The following TNFSF8 variants were observed in gnomAD, a reference collection of about 807,000 sequenced individuals.
The protein encoded by TNFSF8 is TNF superfamily member 8, also known as tumor necrosis factor ligand superfamily member 8.
Under a neutral mutation model 22.0 loss-of-function variants are expected in TNFSF8, and 4 were observed. The ratio of observed to expected loss-of-function variants is 0.18; its 90% CI spans 0.09 to 0.42. The LOEUF (loss-of-function observed/expected upper bound fraction) is 0.42, where lower values mean the gene tolerates loss of function less well. Among genes scored for constraint, TNFSF8 ranks in the 10% least tolerant of loss-of-function variants. The pLI, the probability that TNFSF8 is intolerant of heterozygous loss-of-function variation, is 1.00. For synonymous variants in TNFSF8, 106 were observed against 112.5 expected, an observed-to-expected ratio of 0.94 and a Z score of 0.37; for missense variants, 233 against 281.8, an observed-to-expected ratio of 0.83 and a Z score of 1.24.
chr9:114,898,934 G>T (rs1015801257), downstream of TNFSF8, among the ~76,000 whole-genome samples: 1 of 152,050 alleles, frequency 6.6e-6, no homozygotes, highest in African/African-American at 2.4e-5. Context: ...AACTGCTGCC[G>T]CGAACAGGAA....
In TNFSF8 at chr9:114,894,045, A is replaced by G. The variant is rs1008497476; in HGVS notation, c.*34T>C. 4 of 1,507,354 alleles carry G rather than the reference A, an allele frequency of 2.7e-6. No homozygotes were observed. In the African/African-American group the frequency reaches 5.5e-5, roughly 21 times the overall value. The allele number at this position is 1,507,354 out of a possible 1,614,324, so 93.4% of individuals were successfully genotyped here. On this transcript the variant is annotated 3_prime_UTR_variant, in exon 5 of 5. Coordinates refer to the TNFSF8 transcript ENST00000618336. The stretch of plus-strand genomic sequence containing the variant: ...AGCAGTGACAGTGACCCAGGGTAGA[A>G]GCAGTTCTTGTCTGCAGCAACCAGC...
chr9:114,907,012 C>A (rs1827793461), intron 2 of TNFSF8, among the ~76,000 whole-genome samples: 1 of 152,174 alleles, frequency 6.6e-6, no homozygotes, highest in Admixed American at 6.5e-5. Context: ...CAGCCACACC[C>A]TGGGATATTT....
intron 2 of TNFSF8, among the ~76,000 whole-genome samples, chr9:114,906,209 A>G (rs750017473): frequency 2.6e-5 from 4 of 152,178 alleles, no homozygotes; most frequent in African/African-American, 9.7e-5. Flanking sequence ...TACGTATTTC[A>G]TCTCCTTAAT....
intron 3 of TNFSF8, 86 bp from the exon 4 acceptor site, chr9:114,904,411 C>T: frequency 6.7e-7 from 1 of 1,499,348 alleles, no homozygotes; most frequent in Non-Finnish European, 8.9e-7. Context: ...CAAAGTTTCC[C>T]ATTCAAGACC....
Position 114,901,747 on chromosome 9 carries a change from G to T in TNFSF8, c.*2184C>A, listed in dbSNP as rs1827719178. The T allele has an allele frequency of 1.0e-6, 1 of 985,274 alleles. No individual in the cohort carries two copies. The highest frequency in any genetic ancestry group is 1.2e-6 in the Non-Finnish European group (1 of 829,876). 61.0% of individuals were successfully genotyped at this position (985,274 alleles called of 1,614,324 possible). On this transcript the variant is annotated 3_prime_UTR_variant, in exon 4 of 4. Transcript: ENST00000223795. The stretch of plus-strand genomic sequence containing the variant: ...TCTTCCAATGCCTGCTTCTCCCAAA[G>T]AATCTACTCACAGAAAGAGTTAAAG...
chr9:114,916,944 A>C (rs919108548), intron 2 of TNFSF8, among the ~76,000 whole-genome samples: 11 of 152,250 alleles, frequency 7.2e-5, no homozygotes. Context: ...CTGAGGTCAC[A>C]TGCTAAGTAA....
At chr9:114,904,515 C>T (rs1001594894) in intron 3 of TNFSF8, among the ~76,000 whole-genome samples, 190 bp from the exon 4 acceptor site, 5 of 152,132 alleles carry the variant, frequency 3.3e-5, no homozygotes, top group African/African-American at 9.7e-5. Context: ...TAAAACCACC[C>T]CTCTTCCTTT....
At position 114,901,191 on chromosome 9, in the gene TNFSF8, T is replaced by C. The variant is rs189598901; in HGVS notation, c.*2740A>G. 4.5e-5 allele frequency: 44 copies of C among 985,434 alleles called. No homozygotes were observed. Among genetic ancestry groups the C allele is most frequent in the Admixed American group, 6.1e-5 (1 of 16,282 alleles). 61.0% of individuals were successfully genotyped at this position (985,434 alleles called of 1,614,324 possible). ...TATTTTACTTGCATAGATATCATTT[T>C]ACTCATGGAGTATCATTTGCTCATA... On this transcript the variant is annotated 3_prime_UTR_variant, in exon 4 of 4. Coordinates refer to ENST00000223795, the MANE Select transcript of TNFSF8 (RefSeq NM_001244.4).
intron 1 of TNFSF8, among the ~76,000 whole-genome samples, chr9:114,923,724 G>A (rs1179369530): frequency 6.6e-6 from 1 of 151,910 alleles, no homozygotes; most frequent in Non-Finnish European, 1.5e-5. Flanking sequence ...CGCCATGTTG[G>A]CCAGCCTGGT....
chr9:114,922,359 A>T (rs1391798181), intron 1 of TNFSF8, among the ~76,000 whole-genome samples: 1 of 152,202 alleles, frequency 6.6e-6, no homozygotes, highest in Non-Finnish European at 1.5e-5. Flanking sequence ...TAGTCTTGTA[A>T]GGTGGGCTCT....
intron 1 of TNFSF8, among the ~76,000 whole-genome samples, chr9:114,929,003 A>G: frequency 6.6e-6 from 1 of 152,230 alleles, no homozygotes; most frequent in East Asian, 1.9e-4. Context: ...ATGAAGTAAG[A>G]AACAGAAATA....
chr9:114,912,890 G>C (rs1474302357), intron 2 of TNFSF8, among the ~76,000 whole-genome samples: 1 of 152,218 alleles, frequency 6.6e-6, no homozygotes, highest in Non-Finnish European at 1.5e-5. Context: ...CAAGTGGAGG[G>C]GCAAGGAGGG....
chr9:114,898,226 A>T (rs1199969442), downstream of TNFSF8, among the ~76,000 whole-genome samples: 1 of 151,206 alleles, frequency 6.6e-6, no homozygotes, highest in Non-Finnish European at 1.5e-5. Flanking sequence ...CTGGTCTCGA[A>T]CTCCTGATCT....
downstream of TNFSF8, among the ~76,000 whole-genome samples, chr9:114,898,251 C>T (rs1331551740): frequency 6.6e-6 from 1 of 152,186 alleles, no homozygotes; most frequent in Admixed American, 6.5e-5. Flanking sequence ...ATCCGCCCGC[C>T]TCGACCTCCC....
At chr9:114,917,985 T>A in intron 2 of TNFSF8, 111 bp downstream of exon 2, 2 of 1,093,508 alleles carry the variant, frequency 1.8e-6, no homozygotes, top group Non-Finnish European at 2.6e-6. Context: ...CTACCCACTT[T>A]ACTGTTGGGT....
At position 114,930,388 on chromosome 9, in the gene TNFSF8, TCC is replaced by T. The variant is rs1309246257; in HGVS notation, c.-87_-86del. ...CCCATCTCTGTTCCAAGAAGGATTC[TCC>T]CCCTGAATCCTGAATCATGTGACTT... On this transcript the variant is annotated 5_prime_UTR_variant, in exon 1 of 4. An upstream open reading frame in the 5' UTR loses its in-frame stop. Coordinates refer to ENST00000223795, the MANE Select transcript of TNFSF8 (RefSeq NM_001244.4). The T allele has an allele frequency of 9.1e-7, 1 of 1,098,942 alleles. No homozygotes were observed. Among genetic ancestry groups the T allele is most frequent in the Non-Finnish European group, 1.2e-6 (1 of 824,054 alleles). The allele number at this position is 1,098,942 out of a possible 1,614,324, so 68.1% of individuals were successfully genotyped here. A position where few individuals can be genotyped will look rare whatever the true frequency, so the allele number is the denominator to read the frequency against.
chr9:114,899,636 A>C (rs1827695370), downstream of TNFSF8, among the ~76,000 whole-genome samples: 1 of 152,204 alleles, frequency 6.6e-6, no homozygotes, highest in Non-Finnish European at 1.5e-5. Context: ...GCATGTTTCA[A>C]ACCTATGCTA....
At chr9:114,899,559 T>C (rs1827694892), downstream of TNFSF8, among the ~76,000 whole-genome samples, 1 of 152,150 alleles carries the variant, frequency 6.6e-6, no homozygotes, top group African/African-American at 2.4e-5. Context: ...TCCTTCATGC[T>C]TTCTGGTGTT....
downstream of TNFSF8, among the ~76,000 whole-genome samples, chr9:114,899,781 T>C (rs762431055): frequency 2.9e-4 from 44 of 152,204 alleles, no homozygotes; most frequent in Non-Finnish European, 6.2e-4. Context: ...ACTTAGAAAG[T>C]ATGGAAGGAG....
Sources: allele counts gnomAD v4.1 joint callset (sites outside exome capture counted in the v4.1 genomes callset), GRCh38; gene constraint gnomAD v4.1.1; transcripts MANE v1.5; gene names NCBI Gene and HGNC (gene_info 2026-07-23, HGNC 2026-07-21).